The following SCTR variants were observed in gnomAD, a reference collection of about 807,000 sequenced individuals.
SCTR encodes pancreatic secretin receptor.
SCTR carries 56 observed loss-of-function variants against 60.8 expected under a neutral mutation model. The ratio of observed to expected loss-of-function variants is 0.92; its 90% CI spans 0.74 to 1.15. The LOEUF is 1.15. Among genes scored for constraint, SCTR ranks in the 50% most tolerant of loss-of-function variants. The pLI, the probability that SCTR is intolerant of heterozygous loss-of-function variation, is 0.00. For synonymous variants in SCTR, 202 were observed against 217.0 expected (o/e 0.93, Z 0.61); for missense variants, 562 against 550.4 (o/e 1.02, Z -0.21).
At chr2:119,494,656 A>T (rs748255448) in intron 1 of SCTR, 108 bp from the exon 2 acceptor site, 1,197 of 1,202,432 alleles carry the variant, frequency 1.0e-3, no homozygotes, top group Non-Finnish European at 1.3e-3. Flanking sequence ...CAAGTAAAGC[A>T]AAGCCCTTGC....
chr2:119,474,025 C>T (rs1397091741), intron 3 of SCTR, among the ~76,000 whole-genome samples: 1 of 152,196 alleles, frequency 6.6e-6, no homozygotes, highest in Non-Finnish European at 1.5e-5. Flanking sequence ...TGAGATGAAC[C>T]CCTCCAGGCA....
Position 119,471,975 on chromosome 2 carries a change from G to A in SCTR, c.405+1478C>T, listed in dbSNP as rs146883434. Among the ~76,000 whole-genome samples, 15 of 152,340 alleles carry A rather than the reference G, an allele frequency of 9.8e-5. No homozygotes were observed. In the East Asian group the frequency reaches 2.9e-3, roughly 29 times the overall value. On this transcript the variant is annotated intron_variant, in intron 4 of 12. Coordinates refer to ENST00000019103, the MANE Select transcript of SCTR (RefSeq NM_002980.3). ...CAGCTGGCACTCAGTAGATGTTTAA[G>A]TGCACAAACAAATATTTATTGGGCA...
chr2:119,493,699 T>A (rs1678226800), intron 2 of SCTR, among the ~76,000 whole-genome samples: 1 of 146,708 alleles, frequency 6.8e-6, no homozygotes, highest in Admixed American at 7.2e-5. Flanking sequence ...TGGAGTGCAA[T>A]GGTGCCATTT....
intron 4 of SCTR, among the ~76,000 whole-genome samples, chr2:119,471,873 G>A (rs73951139): frequency 0.01 from 1,589 of 152,284 alleles, 26 homozygotes; most frequent in African/African-American, 0.036. Context: ...CTGAGCCTCA[G>A]TTTCCTCTTC....
intron 1 of SCTR, among the ~76,000 whole-genome samples, chr2:119,514,219 C>G (rs1325857925): frequency 6.6e-6 from 1 of 152,204 alleles, no homozygotes; most frequent in East Asian, 1.9e-4. Flanking sequence ...CTGGGAAGAA[C>G]CCTTTCATGT....
chr2:119,507,270 C>A (rs919086465), intron 1 of SCTR, among the ~76,000 whole-genome samples: 1 of 152,116 alleles, frequency 6.6e-6, no homozygotes, highest in Non-Finnish European at 1.5e-5. Flanking sequence ...AAAATCAAGA[C>A]AAACTTATAT....
chr2:119,445,173 G>C (rs956571876), intron 11 of SCTR, among the ~76,000 whole-genome samples: 2 of 151,930 alleles, frequency 1.3e-5, no homozygotes, highest in Admixed American at 6.6e-5. Flanking sequence ...CCATGGCCAG[G>C]CAGACCCGGG....
rs138652223 is a variant in SCTR, at chr2:119,481,694, C to G, written c.194-2776G>C. ...ACCTGGGTACAGATGCCTCCCCCAC[C>G]ACCAGGCAGAGAGCCCAGGAGAGCA... On this transcript the variant is annotated intron_variant, in intron 2 of 12. Transcript: ENST00000019103. 3.0e-3 allele frequency among the ~76,000 whole-genome samples: 456 copies of G among 152,326 alleles called. 7 individuals are homozygous for G. Among genetic ancestry groups the G allele is most frequent in the East Asian group, 0.023 (117 of 5,170 alleles).
At chr2:119,477,170 C>G (rs1420468082) in intron 3 of SCTR, among the ~76,000 whole-genome samples, 1 of 152,210 alleles carries the variant, frequency 6.6e-6, no homozygotes, top group Non-Finnish European at 1.5e-5. Flanking sequence ...CTGACTGGCA[C>G]CCAGCTAAAA....
chr2:119,465,361 GC>G (rs1271871064), intron 5 of SCTR, among the ~76,000 whole-genome samples: 2 of 152,194 alleles, frequency 1.3e-5, no homozygotes, highest in Non-Finnish European at 2.9e-5. Context: ...AGCTGCTGAT[GC>G]CACTGAACAC....
intron 7 of SCTR, among the ~76,000 whole-genome samples, chr2:119,455,896 C>T (rs1295813668): frequency 1.3e-5 from 2 of 151,984 alleles, no homozygotes; most frequent in South Asian, 2.1e-4. Context: ...GAAAAAAGGC[C>T]TGCATCACAG....
intron 4 of SCTR, among the ~76,000 whole-genome samples, chr2:119,466,444 C>T (rs62158468): frequency 0.027 from 4,131 of 152,226 alleles, 85 homozygotes; most frequent in Non-Finnish European, 0.041. Flanking sequence ...CTTTCATTTT[C>T]TCTATGTCAA....
intron 4 of SCTR, among the ~76,000 whole-genome samples, chr2:119,472,420 T>C (rs1413965878): frequency 6.6e-6 from 1 of 152,146 alleles, no homozygotes; most frequent in Non-Finnish European, 1.5e-5. Flanking sequence ...ACAGTGTGCA[T>C]GAGATTTGAG....
chr2:119,510,023 T>C (rs1573922882), intron 1 of SCTR, among the ~76,000 whole-genome samples: 2 of 152,180 alleles, frequency 1.3e-5, no homozygotes, highest in South Asian at 4.2e-4. Flanking sequence ...CTAGGGTACA[T>C]GTGCACAACA....
intron 1 of SCTR, among the ~76,000 whole-genome samples, chr2:119,501,207 G>A (rs544300561): frequency 8.5e-5 from 13 of 152,162 alleles, no homozygotes; most frequent in East Asian, 1.9e-4. Context: ...TCAGGAGATC[G>A]AGACCATCCT....
At chr2:119,508,194 T>C (rs1224796161) in intron 1 of SCTR, among the ~76,000 whole-genome samples, 2 of 152,108 alleles carry the variant, frequency 1.3e-5, no homozygotes, top group Non-Finnish European at 2.9e-5. Context: ...CTCCCTCTTC[T>C]ACGTGTGGAT....
chr2:119,463,591 C>T (rs1449662420), intron 6 of SCTR, among the ~76,000 whole-genome samples: 2 of 152,152 alleles, frequency 1.3e-5, no homozygotes, highest in Non-Finnish European at 2.9e-5. Context: ...ATATAGTTTT[C>T]TGTTATTCGC....
intron 1 of SCTR, among the ~76,000 whole-genome samples, chr2:119,521,400 T>A (rs539639774): frequency 4.6e-5 from 7 of 152,324 alleles, no homozygotes; most frequent in African/African-American, 1.7e-4. Flanking sequence ...ACTCTAGGGA[T>A]GAAAGATGAA....
intron 7 of SCTR, among the ~76,000 whole-genome samples, chr2:119,457,871 C>T (rs181721070): frequency 6.6e-6 from 1 of 152,272 alleles, no homozygotes; most frequent in East Asian, 1.9e-4. Flanking sequence ...GGCATTAACT[C>T]TGGAGGCTGA....
Sources: allele counts gnomAD v4.1 joint callset (sites outside exome capture counted in the v4.1 genomes callset), GRCh38; gene constraint gnomAD v4.1.1; transcripts MANE v1.5; gene names NCBI Gene and HGNC (gene_info 2026-07-23, HGNC 2026-07-21).